KRT82: variants seen among roughly 807,000 people sequenced by gnomAD.
KRT82 encodes keratin, type II cuticular Hb2.
KRT82 carries 44 observed loss-of-function variants against 48.0 expected under a neutral mutation model. The ratio of observed to expected loss-of-function variants is 0.92; its 90% CI spans 0.72 to 1.18. The LOEUF (loss-of-function observed/expected upper bound fraction) is 1.18. Ranked by LOEUF, KRT82 falls within the 50% of genes most tolerant of loss-of-function variation. The pLI is 0.00. For missense variants in KRT82, 701 were observed against 671.4 expected (o/e 1.04, Z -0.49); for synonymous variants, 297 against 278.3 (o/e 1.07, Z -0.67).
intron 5 of KRT82, 39 bp downstream of exon 5, chr12:52,399,946 A>G: frequency 6.3e-7 from 1 of 1,594,940 alleles, no homozygotes; most frequent in South Asian, 1.1e-5. Flanking sequence ...CTGGTTTGTC[A>G]CCTCTCCAGT....
intron 2 of KRT82, 101 bp from the exon 3 acceptor site, chr12:52,401,450 G>A: frequency 3.4e-6 from 4 of 1,173,252 alleles, no homozygotes; most frequent in Non-Finnish European, 5.0e-6. Flanking sequence ...GTCACTGACT[G>A]AATGCCCTGG....
Position 52,394,989 on chromosome 12 carries a change from T to TGGG in KRT82, c.1525_1527dup (p.Pro509dup). Reference sequence around the variant, plus strand: ...CTCGGATCATGCTAATGCTTGTGGCTGGGGGAGCTGCCCCCAGCTCCTAGC... The same window carrying TGGG: ...CTCGGATCATGCTAATGCTTGTGGCTGGGGGGGGAGCTGCCCCCAGCTCCTAGC... On this transcript the variant is annotated inframe_insertion, in exon 9 of 9. Coordinates refer to ENST00000257974, the MANE Select transcript of KRT82 (RefSeq NM_033033.4). The TGGG allele has an allele frequency of 6.2e-7, 1 of 1,613,316 alleles. No homozygotes were observed.
rs770235256 is a variant in KRT82 at position 52,396,203 on chromosome 12, C to T, written c.1098G>A (p.Glu366=). ...QRCKLEGAIA[E]AEQQGEAALN... ...GAGCCGCCTCGCCCTGCTGCTCTGCCTCAGCTATGGCACCCTCAAGTTTGC... is the reference window on the plus strand; with the variant it reads ...GAGCCGCCTCGCCCTGCTGCTCTGCTTCAGCTATGGCACCCTCAAGTTTGC... Residue 366 remains glutamate, a synonymous_variant, in exon 7 of 9, where the codon GAG becomes GAA. Transcript: ENST00000257974. 2 of 1,613,872 alleles carry T rather than the reference C, an allele frequency of 1.2e-6. No individual in the cohort carries two copies. The highest frequency in any genetic ancestry group is 3.3e-5 in the Admixed American group (2 of 60,034).
At chr12:52,401,127 T>C (rs1441776090) in intron 3 of KRT82, among the ~76,000 whole-genome samples, 162 bp downstream of exon 3, 1 of 151,980 alleles carries the variant, frequency 6.6e-6, no homozygotes, top group Non-Finnish European at 1.5e-5. Flanking sequence ...CCGGCCTTCC[T>C]CATTCTCAGA....
chr12:52,394,510 T>G lies in KRT82; in HGVS notation c.*465A>C. The G allele has an allele frequency of 6.0e-6, 1 of 166,880 alleles. No individual in the cohort carries two copies. The allele number at this position is 166,880 out of a possible 1,614,324, so 10.3% of individuals were successfully genotyped here. On this transcript the variant is annotated 3_prime_UTR_variant, in exon 9 of 9. Transcript: ENST00000257974. ...GGGATTTGGGGGTGTCTCCTTTTGATATTTGCAGTGTGCATGTTTCAGGCG... is the reference window on the plus strand; with the variant it reads ...GGGATTTGGGGGTGTCTCCTTTTGAGATTTGCAGTGTGCATGTTTCAGGCG...
chr12:52,402,232 C>T (rs1267502481), intron 2 of KRT82: 4 of 152,260 alleles, frequency 2.6e-5, no homozygotes, highest in African/African-American at 9.6e-5. Context: ...GGTACAGGCT[C>T]TGTACTGTGA....
intron 2 of KRT82, among the ~76,000 whole-genome samples, chr12:52,402,957 C>A (rs1406281603): frequency 6.6e-6 from 1 of 152,174 alleles, no homozygotes; most frequent in Non-Finnish European, 1.5e-5. Context: ...CCATGGGGCA[C>A]TGGATTCCCA....
At position 52,406,238 on chromosome 12, in the gene KRT82, T is replaced by G; in HGVS notation, c.40A>C (p.Ser14Arg). 6.2e-7 allele frequency: 1 copy of G among 1,608,266 alleles called. No homozygotes were observed. Among genetic ancestry groups the G allele is most frequent in the South Asian group, 1.1e-5 (1 of 90,636 alleles). Residue 14 changes from serine (S) to arginine (R), a missense_variant, in exon 1 of 9, where the codon AGT (serine) becomes CGT (arginine). Physicochemically the swap from Ser to Arg is moderately radical, Grantham distance 110. Coordinates refer to ENST00000257974, the MANE Select transcript of KRT82 (RefSeq NM_033033.4). ...GCCGAGTATGAGCTGAAACTCTGAC[T>G]GCCACACCTGGAGCCTGGCTGGAAA... Reference protein sequence around the residue: ...HSFQPGSRCGSQSFSSYSAVM... With the variant: ...HSFQPGSRCGRQSFSSYSAVM...
At position 52,395,004 on chromosome 12, in the gene KRT82, C is replaced by T; in HGVS notation, c.1513G>A (p.Gly505Arg). Reference sequence around the variant, plus strand: ...TGCTTGTGGCTGGGGGAGCTGCCCCCAGCTCCTAGCGTCATGCTGGATTTC... The same window carrying T: ...TGCTTGTGGCTGGGGGAGCTGCCCCTAGCTCCTAGCGTCATGCTGGATTTC... ...GRKSSMTLGA[G>R]GSSPSHKH The change falls in exon 9 of 9, where the codon GGG becomes AGG. Residue 505 changes from glycine (G) to arginine (R), a missense_variant. Transcript: ENST00000257974. 1 of 1,613,676 alleles carries T rather than the reference C, an allele frequency of 6.2e-7. No individual in the cohort carries two copies. The highest frequency in any genetic ancestry group is 1.7e-5 in the Admixed American group (1 of 60,020).
At chr12:52,400,436 T>C in intron 4 of KRT82, 91 bp downstream of exon 4, 1 of 982,408 alleles carries the variant, frequency 1.0e-6, no homozygotes, top group South Asian at 1.3e-5. Flanking sequence ...ATGCTTGCCC[T>C]GAAATGTACC....
At chr12:52,399,760 A>G (rs1939761227) in intron 5 of KRT82, among the ~76,000 whole-genome samples, 1 of 152,162 alleles carries the variant, frequency 6.6e-6, no homozygotes, top group Non-Finnish European at 1.5e-5. Flanking sequence ...ACAGGCCTGG[A>G]TTGTCCGGGG....
At chr12:52,398,235 A>AT (rs1388403557) in intron 5 of KRT82, among the ~76,000 whole-genome samples, 1 of 152,136 alleles carries the variant, frequency 6.6e-6, no homozygotes, top group African/African-American at 2.4e-5. Flanking sequence ...AAAGGGGGGA[A>AT]TGACCCAGTT....
At chr12:52,405,320 C>A (rs534695764) in intron 1 of KRT82, among the ~76,000 whole-genome samples, 1 of 152,354 alleles carries the variant, frequency 6.6e-6, no homozygotes, top group African/African-American at 2.4e-5. Context: ...TTCCTAGCAG[C>A]CTTTCAGTGG....
At chr12:52,399,153 C>G (rs549022403) in intron 5 of KRT82, among the ~76,000 whole-genome samples, 5 of 152,330 alleles carry the variant, frequency 3.3e-5, no homozygotes, top group African/African-American at 1.2e-4. Flanking sequence ...TGAAACTGCA[C>G]TCCAACACTC....
At chr12:52,398,946 G>A (rs1399676335) in intron 5 of KRT82, among the ~76,000 whole-genome samples, 1 of 152,026 alleles carries the variant, frequency 6.6e-6, no homozygotes, top group African/African-American at 2.4e-5. Context: ...TGCTCAGCCT[G>A]GCACACCCTC....
At position 52,403,759 on chromosome 12, in the gene KRT82, C is replaced by T. The variant is rs765033964; in HGVS notation, c.562G>A (p.Val188Met). The T allele has an allele frequency of 6.2e-6, 10 of 1,613,482 alleles. No individual in the cohort carries two copies. The highest frequency in any genetic ancestry group is 2.7e-5 in the African/African-American group (2 of 75,054). Residue 188 changes from valine to methionine, a missense_variant, in exon 2 of 9, where the codon GTG (valine) becomes ATG (methionine). Physicochemically the swap from Val to Met is conservative, Grantham distance 21 (BLOSUM62 1). Coordinates refer to ENST00000257974, the MANE Select transcript of KRT82 (RefSeq NM_033033.4). The part of the protein sequence containing the change: ...RQLDCVSGDR[V>M]RLESELCSLQ... ...CTGCAGAGCTCTGACTCTAGCCTCA[C>T]GCGGTCCCCGGACACACAGTCCAGC...
At chr12:52,397,421 G>GGTC (rs1939730660) in intron 5 of KRT82, among the ~76,000 whole-genome samples, 1 of 151,998 alleles carries the variant, frequency 6.6e-6, no homozygotes, top group Non-Finnish European at 1.5e-5. Flanking sequence ...CATTAGGATG[G>GGTC]GTCTGCCCAT....
chr12:52,395,294 C>T, intron 8 of KRT82, 99 bp from the exon 9 acceptor site: 1 of 948,028 alleles, frequency 1.1e-6, no homozygotes, highest in Non-Finnish European at 1.6e-6. Flanking sequence ...CACCTCCTGC[C>T]ACTCACCTCT....
chr12:52,400,540 C>A lies in KRT82; in HGVS notation c.764G>T (p.Ser255Ile), dbSNP rs779781268. 8.7e-6 allele frequency: 14 copies of A among 1,613,806 alleles called. No individual in the cohort carries two copies. Among genetic ancestry groups the A allele is most frequent in the Admixed American group, 3.3e-5 (2 of 60,004 alleles). ...GGCTGTGGGTACCTCCTCATACAGG[C>A]TTTTCAGGAAGTCGATCTCCTGCAC... ...ALVQEIDFLK[S>I]LYEEEICLLQ... is the part of the protein sequence containing the mutation. Residue 255 changes from serine to isoleucine, a missense_variant, in exon 4 of 9, where the codon AGC becomes ATC. By Grantham distance (142) the Ser-to-Ile change is moderately radical. Coordinates refer to ENST00000257974, the MANE Select transcript of KRT82 (RefSeq NM_033033.4).
Sources: allele counts gnomAD v4.1 joint callset (sites outside exome capture counted in the v4.1 genomes callset), GRCh38; gene constraint gnomAD v4.1.1; transcripts MANE v1.5; gene names NCBI Gene and HGNC (gene_info 2026-07-23, HGNC 2026-07-21).